GGA2: variants seen among roughly 807,000 people sequenced by gnomAD.
GGA2 encodes the protein ADP-ribosylation factor-binding protein GGA2.
GGA2 carries 48 observed loss-of-function variants against 79.5 expected under a neutral mutation model. The observed-to-expected ratio is 0.60, with a 90% CI of 0.48 to 0.77. The LOEUF (loss-of-function observed/expected upper bound fraction) is 0.77. Among genes scored for constraint, GGA2 ranks in the 30% least tolerant of loss-of-function variants. The pLI is 0.00. For synonymous variants in GGA2, 317 were observed against 302.0 expected (o/e 1.05, Z -0.51); for missense variants, 770 against 774.0 (o/e 0.99, Z 0.06).
intron 1 of GGA2, among the ~76,000 whole-genome samples, chr16:23,498,395 C>G (rs1964881862): frequency 6.6e-6 from 1 of 151,986 alleles, no homozygotes. Context: ...CAACTGCACT[C>G]CAGCCTGGGG....
chr16:23,470,767 A>ACAAACAAAC (rs56057426), intron 14 of GGA2, among the ~76,000 whole-genome samples: 1 of 138,970 alleles, frequency 7.2e-6, no homozygotes, highest in African/African-American at 2.9e-5. Flanking sequence ...AAACAAACAA[A>ACAAACAAAC]AAACAAAAAG....
At chr16:23,487,209 T>C (rs1964726646) in intron 6 of GGA2, among the ~76,000 whole-genome samples, 1 of 152,116 alleles carries the variant, frequency 6.6e-6, no homozygotes, top group South Asian at 2.1e-4. Context: ...CTCAATCTCT[T>C]GACCTCGTGA....
chr16:23,504,213 G>A (rs936730145), intron 1 of GGA2, among the ~76,000 whole-genome samples: 1 of 152,280 alleles, frequency 6.6e-6, no homozygotes, highest in African/African-American at 2.4e-5. Flanking sequence ...GCAAGGGAGT[G>A]GCAGAAACAA....
At chr16:23,478,182 G>C (rs1266940027) in intron 13 of GGA2, among the ~76,000 whole-genome samples, 186 bp downstream of exon 13, 8 of 140,270 alleles carry the variant, frequency 5.7e-5, no homozygotes. Flanking sequence ...CTGGGCAACA[G>C]AGTGAGACCC....
chr16:23,478,897 G>T lies in GGA2; in HGVS notation c.1144C>A (p.Pro382Thr), dbSNP rs1294462724. The part of the protein sequence containing the change: ...DLAALGISDA[P>T]VTGMVSGQNC... ...GGCATCCTTACCATGCCTGTAACAGGAGCATCACTGATTCCTGTAAGAAAG... is the reference window on the plus strand; with the variant it reads ...GGCATCCTTACCATGCCTGTAACAGTAGCATCACTGATTCCTGTAAGAAAG... The change falls in exon 12 of 17, where the codon CCT (proline) becomes ACT (threonine). Residue 382 changes from proline to threonine, a missense_variant. Pro to Thr is a conservative substitution (Grantham distance 38). Transcript: ENST00000309859. The T allele has an allele frequency of 6.2e-7, 1 of 1,605,452 alleles. No individual in the cohort carries two copies. Among genetic ancestry groups the T allele is most frequent in the Non-Finnish European group, 8.5e-7 (1 of 1,172,648 alleles).
intron 2 of GGA2, among the ~76,000 whole-genome samples, chr16:23,516,222 GA>G (rs1169657095): frequency 2.5e-4 from 38 of 152,034 alleles, no homozygotes; most frequent in Middle Eastern, 3.4e-3. Context: ...ATGTTGCCCA[GA>G]CTGGTCTCGA....
chr16:23,501,589 C>G (rs1964922673), intron 1 of GGA2: 1 of 301,772 alleles, frequency 3.3e-6, no homozygotes, highest in Non-Finnish European at 6.6e-6. Context: ...AATACAAAGA[C>G]TTGCATCAAC....
At chr16:23,494,119 G>A (rs1964824246) in intron 3 of GGA2, 184 bp downstream of exon 3, 1 of 600,972 alleles carries the variant, frequency 1.7e-6, no homozygotes, top group Non-Finnish European at 3.0e-6. Context: ...AAACAGACGA[G>A]AAACAGGAGG....
chr16:23,508,852 G>A (rs536367952), intron 1 of GGA2, among the ~76,000 whole-genome samples: 1 of 152,116 alleles, frequency 6.6e-6, no homozygotes, highest in African/African-American at 2.4e-5. Flanking sequence ...GCCTAAACCA[G>A]CTCCTCCTCA....
At chr16:23,493,730 G>A in intron 3 of GGA2, 1 of 401,652 alleles carries the variant, frequency 2.5e-6, no homozygotes, top group Non-Finnish European at 4.6e-6. Flanking sequence ...CTTTTAAGGA[G>A]ACCCTTTGAG....
chr16:23,474,235 C>T (rs1288810288), intron 14 of GGA2, among the ~76,000 whole-genome samples: 3 of 152,228 alleles, frequency 2.0e-5, no homozygotes, highest in Non-Finnish European at 2.9e-5. Context: ...CTTCTTGAAT[C>T]CCAACCCAAA....
At chr16:23,504,983 C>T (rs992726620) in intron 1 of GGA2, among the ~76,000 whole-genome samples, 3 of 152,136 alleles carry the variant, frequency 2.0e-5, no homozygotes, top group South Asian at 2.1e-4. Context: ...CAGCTGCCAA[C>T]CAACCACCGG....
At chr16:23,498,342 A>G (rs1964881440) in intron 1 of GGA2, among the ~76,000 whole-genome samples, 2 of 151,310 alleles carry the variant, frequency 1.3e-5, no homozygotes, top group South Asian at 4.2e-4. Flanking sequence ...CAGGAGCATC[A>G]CTTGAGCCCA....
chr16:23,470,405 T>C (rs193253529), intron 14 of GGA2, among the ~76,000 whole-genome samples: 1 of 152,286 alleles, frequency 6.6e-6, no homozygotes, highest in East Asian at 1.9e-4. Flanking sequence ...CACCAGTTAT[T>C]AAAAATCACA....
At chr16:23,497,603 G>C (rs950612228) in intron 1 of GGA2, among the ~76,000 whole-genome samples, 1 of 152,054 alleles carries the variant, frequency 6.6e-6, no homozygotes, top group Admixed American at 6.6e-5. Context: ...CCCCACCCCC[G>C]CAAAGCTCTC....
chr16:23,469,882 T>G, intron 15 of GGA2, 114 bp downstream of exon 15: 1 of 742,792 alleles, frequency 1.3e-6, no homozygotes, highest in South Asian at 2.7e-5. Flanking sequence ...CACTTTATCT[T>G]CAGTTAGTTT....
chr16:23,500,684 G>A (rs1012073005), intron 1 of GGA2, among the ~76,000 whole-genome samples: 4 of 152,248 alleles, frequency 2.6e-5, no homozygotes, highest in Admixed American at 6.5e-5. Context: ...AGGGTGTGGC[G>A]GGTGGAACCG....
chr16:23,469,158 C>T, intron 15 of GGA2, 162 bp from the exon 16 acceptor site: 1 of 546,390 alleles, frequency 1.8e-6, no homozygotes, highest in Non-Finnish European at 3.3e-6. Context: ...AGCAGACAGA[C>T]TCCCACTAAT....
intron 1 of GGA2, among the ~76,000 whole-genome samples, chr16:23,506,288 G>A (rs562555156): frequency 6.6e-6 from 1 of 152,126 alleles, no homozygotes; most frequent in African/African-American, 2.4e-5. Flanking sequence ...TCCCTCCATT[G>A]CAGCACCAAT....
Sources: gnomAD v4.1 joint callset for allele counts (sites outside exome capture counted in the v4.1 genomes callset) on GRCh38, gnomAD v4.1.1 for gene constraint, MANE v1.5 for transcripts, NCBI Gene and HGNC (gene_info 2026-07-23, HGNC 2026-07-21) for gene names.